Variants in SUMF1 observed in about 807,000 individuals in gnomAD.
The protein encoded by SUMF1 is sulfatase modifying factor 1, also known as formylglycine-generating enzyme.
SUMF1 carries 48 observed loss-of-function variants against 47.6 expected under a neutral mutation model. That is an observed-to-expected ratio of 1.01 (90% CI 0.80 to 1.28). SUMF1 has a LOEUF of 1.28. Among genes scored for constraint, SUMF1 ranks in the 50% most tolerant of loss-of-function variants. The pLI is 0.00. For missense variants in SUMF1, 571 were observed against 485.4 expected (o/e 1.18, Z -1.66); for synonymous variants, 230 against 192.1 (o/e 1.20, Z -1.63).
chr3:4,220,632 C>G (rs1230377606), intron 8 of SUMF1, among the ~76,000 whole-genome samples: 1 of 152,004 alleles, frequency 6.6e-6, no homozygotes, highest in Non-Finnish European at 1.5e-5. Context: ...TTATCTTTCT[C>G]ATAGCAGATG....
At position 4,077,869 on chromosome 3, in the gene SUMF1, T is replaced by C. The variant is rs1692474351; in HGVS notation, c.1015-9124A>G. Among the ~76,000 whole-genome samples, 4 of 152,248 alleles carry C rather than the reference T, an allele frequency of 2.6e-5. No individual in the cohort carries two copies. The South Asian group carries it at 8.3e-4, about 32-fold the overall frequency. On this transcript the variant is annotated intron_variant and NMD_transcript_variant, in intron 8 of 12. Coordinates refer to the SUMF1 transcript ENST00000448413. ...AAAATTCATGCTAATAATTTAAATT[T>C]AAATTTTTATTTATTAACAATACTA...
chr3:4,191,885 T>G (rs545996143), intron 8 of SUMF1, among the ~76,000 whole-genome samples: 72 of 152,236 alleles, frequency 4.7e-4, no homozygotes, highest in African/African-American at 1.7e-3. Context: ...ACTGCTGAGG[T>G]AGAGGCATAT....
intron 8 of SUMF1, among the ~76,000 whole-genome samples, chr3:4,290,277 G>C (rs977601733): frequency 6.8e-6 from 1 of 147,816 alleles, no homozygotes; most frequent in African/African-American, 2.7e-5. Context: ...CTCTTAGATT[G>C]TGTAAATGTG....
At chr3:4,365,197 T>A (rs1046034748) in intron 8 of SUMF1, among the ~76,000 whole-genome samples, 3 of 123,406 alleles carry the variant, frequency 2.4e-5, no homozygotes, top group African/African-American at 8.4e-5. Flanking sequence ...ATTCTGTTGA[T>A]TTGGGGTGGA....
chr3:4,120,622 C>G (rs1416493743), intron 8 of SUMF1, among the ~76,000 whole-genome samples: 1 of 152,016 alleles, frequency 6.6e-6, no homozygotes, highest in Non-Finnish European at 1.5e-5. Context: ...GAAAGGGTCC[C>G]TCTCTCACCA....
chr3:4,095,063 T>C (rs1692872505), intron 8 of SUMF1, among the ~76,000 whole-genome samples: 1 of 152,134 alleles, frequency 6.6e-6, no homozygotes, highest in South Asian at 2.1e-4. Flanking sequence ...CATTTCTAAA[T>C]AGAAATAGGA....
At chr3:4,410,721 C>A in intron 7 of SUMF1, 144 bp downstream of exon 7, 2 of 751,098 alleles carry the variant, frequency 2.7e-6, no homozygotes, top group South Asian at 1.5e-5. Context: ...AAGAAACATG[C>A]GCTTAATGTG....
chr3:4,153,927 ACT>A (rs770560039), intron 8 of SUMF1, among the ~76,000 whole-genome samples: 242 of 151,506 alleles, frequency 1.6e-3, no homozygotes, highest in Non-Finnish European at 2.0e-3. Context: ...TTAGGTTAGG[ACT>A]CCCGCCTAAG....
chr3:4,196,305 A>T (rs987699351), intron 8 of SUMF1, among the ~76,000 whole-genome samples: 4 of 152,178 alleles, frequency 2.6e-5, no homozygotes, highest in South Asian at 2.1e-4. Context: ...CTTATTGAGG[A>T]GTCTATCTCT....
intron 8 of SUMF1, among the ~76,000 whole-genome samples, chr3:4,198,663 T>G (rs1177852473): frequency 6.6e-6 from 1 of 152,098 alleles, no homozygotes; most frequent in Admixed American, 6.6e-5. Context: ...AGCTTTGCCT[T>G]TCTTCTGGTG....
intron 8 of SUMF1, among the ~76,000 whole-genome samples, chr3:4,081,030 T>C (rs1692548537): frequency 6.6e-6 from 1 of 152,142 alleles, no homozygotes; most frequent in African/African-American, 2.4e-5. Flanking sequence ...AAGGACTCAA[T>C]ACACATTAAG....
At chr3:4,459,372 A>C (rs1199299687) in intron 1 of SUMF1, among the ~76,000 whole-genome samples, 1 of 148,142 alleles carries the variant, frequency 6.8e-6, no homozygotes. Context: ...TAGAAAGGGG[A>C]AAAAAAAGAA....
At chr3:4,178,871 A>G (rs1194768047) in intron 8 of SUMF1, among the ~76,000 whole-genome samples, 1 of 152,192 alleles carries the variant, frequency 6.6e-6, no homozygotes, top group Admixed American at 6.5e-5. Flanking sequence ...ATGTGCAAAA[A>G]TCACAAGCAT....
intron 1 of SUMF1, among the ~76,000 whole-genome samples, chr3:4,464,987 T>G (rs1340212656): frequency 1.3e-5 from 2 of 152,304 alleles, no homozygotes; most frequent in Middle Eastern, 3.4e-3. Context: ...ATCTTGTAAA[T>G]GTAATCCAAA....
intron 7 of SUMF1, among the ~76,000 whole-genome samples, chr3:4,399,735 C>A (rs533786398): frequency 2.0e-5 from 3 of 152,116 alleles, no homozygotes; most frequent in African/African-American, 7.2e-5. Context: ...CAAAACAGTG[C>A]GTAAATTTCC....
intron 8 of SUMF1, among the ~76,000 whole-genome samples, chr3:4,228,209 T>A (rs1008090309): frequency 7.9e-5 from 12 of 152,250 alleles, no homozygotes; most frequent in African/African-American, 2.9e-4. Context: ...GTTTATCTTA[T>A]GATTTCAGTG....
intron 8 of SUMF1, among the ~76,000 whole-genome samples, chr3:4,107,602 G>A (rs1026604694): frequency 1.3e-5 from 2 of 152,062 alleles, no homozygotes; most frequent in Non-Finnish European, 2.9e-5. Flanking sequence ...TGAATTGCCT[G>A]ACATTCAATG....
At chr3:4,373,887 T>C (rs1559255204) in intron 8 of SUMF1, among the ~76,000 whole-genome samples, 1 of 152,174 alleles carries the variant, frequency 6.6e-6, no homozygotes, top group African/African-American at 2.4e-5. Flanking sequence ...GCTTAATATT[T>C]GAAAATCAAT....
intron 8 of SUMF1, among the ~76,000 whole-genome samples, chr3:4,294,549 T>C (rs1697806989): frequency 6.6e-6 from 1 of 152,110 alleles, no homozygotes; most frequent in African/African-American, 2.4e-5. Context: ...GTAGAGAGTG[T>C]ACCACTGCAC....
Sources: allele counts gnomAD v4.1 joint callset (sites outside exome capture counted in the v4.1 genomes callset), GRCh38; gene constraint gnomAD v4.1.1; transcripts MANE v1.5; gene names NCBI Gene and HGNC (gene_info 2026-07-23, HGNC 2026-07-21).